The following INTS1 variants were observed in gnomAD, a reference collection of about 807,000 sequenced individuals.
The protein encoded by INTS1 is integrator complex subunit 1.
In INTS1, 137 loss-of-function variants were observed where a neutral mutation model predicts 241.6. The observed-to-expected ratio is 0.57, with a 90% confidence interval of 0.49 to 0.65. The LOEUF is 0.65. INTS1 is among the 30% of genes least tolerant of loss of function. The pLI, the probability that INTS1 is intolerant of heterozygous loss-of-function variation, is 0.00. For missense variants in INTS1, 3,073 were observed against 3,032.2 expected (o/e 1.01, Z -0.32); for synonymous variants, 1,692 against 1,337.8 (o/e 1.26, Z -5.78).
intron 14 of INTS1, chr7:1,494,483 C>T: frequency 2.4e-6 from 1 of 417,680 alleles, no homozygotes; most frequent in Non-Finnish European, 4.5e-6. Context: ...TGGACAGAAG[C>T]AGGGGCAGAC....
chr7:1,499,187 G>T, intron 7 of INTS1, 26 bp from the exon 8 acceptor site: 1 of 1,605,410 alleles, frequency 6.2e-7, no homozygotes, highest in Non-Finnish European at 8.5e-7. Context: ...GAGCGAGGAG[G>T]GAGGAAGGTG....
At chr7:1,495,353 G>A (rs1782793410) in intron 13 of INTS1, 80 bp downstream of exon 13, 4 of 1,512,238 alleles carry the variant, frequency 2.6e-6, no homozygotes, top group Non-Finnish European at 2.7e-6. Context: ...GTGGGGTTTG[G>A]GGCAGGGGTT....
At position 1,497,765 on chromosome 7, in the gene INTS1, C is replaced by T. The variant is rs1782932245; in HGVS notation, c.1426-451G>A. 6.6e-6 allele frequency among the ~76,000 whole-genome samples: 1 copy of T among 152,266 alleles called. No homozygotes were observed. Among genetic ancestry groups the T allele is most frequent in the Non-Finnish European group, 1.5e-5 (1 of 68,052 alleles). ...GAGCTGAGAGCGGCTGTGCCTCCCT[C>T]GTGTTTCACACTCCATAGAGCCCAC... On this transcript the variant is annotated intron_variant, in intron 10 of 47. Transcript: ENST00000404767. The surrounding 1 kb of genome is among the most constrained non-coding windows in gnomAD (Gnocchi z 5.3).
rs200366736 is a variant in INTS1 at position 1,486,663 on chromosome 7, C to T, written c.2938G>A (p.Gly980Ser). The stretch of plus-strand genomic sequence containing the variant: ...ACGCGGGAGGCCACCTGGGAGGAGC[C>T]GAGGCGCCGCAAGAAGTAGTCCAGC... ...EVLDYFLRRL[G>S]SSQVASRVLA... Residue 980 changes from glycine to serine, a missense_variant, in exon 22 of 48, where the codon GGC (glycine) becomes AGC (serine). Physicochemically the swap from Gly to Ser is moderately conservative, Grantham distance 56 (BLOSUM62 0). Coordinates refer to ENST00000404767, the MANE Select transcript of INTS1 (RefSeq NM_001080453.3). 12 of 1,611,974 alleles carry T rather than the reference C, an allele frequency of 7.4e-6. No individual in the cohort carries two copies. Among genetic ancestry groups the T allele is most frequent in the East Asian group, 2.2e-5 (1 of 44,862 alleles).
rs1375567829 is a variant in INTS1, at chr7:1,478,056, CCAGCCGGAGCCAGAGAGGAGAGTG to C, written c.4631-144_4631-121del. The C allele has an allele frequency of 2.1e-4, 180 of 859,874 alleles. 2 individuals are homozygous for C. The highest frequency in any genetic ancestry group is 9.2e-4 in the East Asian group (37 of 40,024). 53.3% of individuals were successfully genotyped at this position (859,874 alleles called of 1,614,324 possible). On this transcript the variant is annotated intron_variant, in intron 33 of 47. Coordinates refer to ENST00000404767, the MANE Select transcript of INTS1 (RefSeq NM_001080453.3). Reference sequence around the variant, plus strand: ...CATGTGTGGGACACAAGAGCAGAGTCCAGCCGGAGCCAGAGAGGAGAGTGCAGCCGGGGCCGGAGAGGAGAGTGC... The same window carrying C: ...CATGTGTGGGACACAAGAGCAGAGTCCAGCCGGGGCCGGAGAGGAGAGTGC...
chr7:1,475,151 C>T (rs1345184032), intron 39 of INTS1, among the ~76,000 whole-genome samples: 1 of 152,196 alleles, frequency 6.6e-6, no homozygotes, highest in Non-Finnish European at 1.5e-5. Context: ...TGTGAGGCCG[C>T]GGCAGAAGAT....
chr7:1,476,157 A>C lies in INTS1; in HGVS notation c.5378+72T>G, dbSNP rs1260418033. On this transcript the variant is annotated intron_variant, in intron 38 of 47. Transcript: ENST00000404767. ...ACGGGACCAGGCGTGATGGGAACCC[A>C]CCCAGGGCTGGGCCTCGACCCCCTC... 20 of 1,526,226 alleles carry C rather than the reference A, an allele frequency of 1.3e-5. No individual in the cohort carries two copies. In the Admixed American group the frequency reaches 3.8e-4, roughly 29 times the overall value. 94.5% of individuals were successfully genotyped at this position (1,526,226 alleles called of 1,614,324 possible).
rs765410932 is a variant in INTS1 at position 1,477,612 on chromosome 7, C to T, written c.4876G>A (p.Asp1626Asn). Residue 1626 changes from aspartate to asparagine, a missense_variant, in exon 35 of 48, where the codon GAC (aspartate) becomes AAC (asparagine). Asp to Asn is a conservative substitution (Grantham distance 23). Transcript: ENST00000404767. ...GGGCAGCTGCTGACCACCTCGGGGTCCAGCATTTCCAGCCAGTCCACTAGG... is the reference window on the plus strand; with the variant it reads ...GGGCAGCTGCTGACCACCTCGGGGTTCAGCATTTCCAGCCAGTCCACTAGG... ...GLLVDWLEMLDPEVVSSCPDL... is the reference protein window; with the variant it reads ...GLLVDWLEMLNPEVVSSCPDL... 2.0e-5 allele frequency: 31 copies of T among 1,577,126 alleles called. No homozygotes were observed. Among genetic ancestry groups the T allele is most frequent in the Non-Finnish European group, 8.6e-7 (1 of 1,163,312 alleles).
intron 16 of INTS1, among the ~76,000 whole-genome samples, chr7:1,492,087 A>G (rs530081794): frequency 7.9e-4 from 121 of 152,320 alleles, no homozygotes; most frequent in Admixed American, 2.0e-3. Context: ...AGGGTCTGAC[A>G]GAGCCTCAGT....
chr7:1,472,031 G>A (rs530559772), intron 44 of INTS1, among the ~76,000 whole-genome samples: 1 of 152,284 alleles, frequency 6.6e-6, no homozygotes, highest in South Asian at 2.1e-4. Flanking sequence ...CCACCTTAGG[G>A]GGCTCCCCTG....
chr7:1,487,617 C>T lies in INTS1; in HGVS notation c.2516+143G>A, dbSNP rs1161398312. 1.6e-5 allele frequency: 20 copies of T among 1,277,288 alleles called. 1 individual carries two copies. The Admixed American group carries it at 1.6e-4, about 10-fold the overall frequency. 79.1% of individuals were successfully genotyped at this position (1,277,288 alleles called of 1,614,324 possible). ...TGGCCCCACAGCAGTAAGCCAGGGA[C>T]GCGGGGACGGGGCTCCACAGGCCTT... is the stretch of plus-strand genomic sequence containing the variant. On this transcript the variant is annotated intron_variant, in intron 19 of 47. Transcript: ENST00000404767.
chr7:1,483,642 C>A (rs112945730), intron 26 of INTS1, 100 bp downstream of exon 26: 1 of 904,674 alleles, frequency 1.1e-6, no homozygotes, highest in South Asian at 1.4e-5. Context: ...GGGGGCTTCC[C>A]GCCCAGAAGC....
At chr7:1,487,639 C>A in intron 19 of INTS1, 121 bp downstream of exon 19, 1 of 1,341,264 alleles carries the variant, frequency 7.5e-7, no homozygotes, top group African/African-American at 1.4e-5. Flanking sequence ...GCTCCACAGG[C>A]CTTTCAGGTT....
At chr7:1,495,767 C>T (rs576205632) in intron 12 of INTS1, among the ~76,000 whole-genome samples, 173 of 152,284 alleles carry the variant, frequency 1.1e-3, no homozygotes, top group Non-Finnish European at 2.0e-3. Context: ...TTCCGAGTGA[C>T]TCGCTCCGGT....
At chr7:1,499,203 G>C in intron 7 of INTS1, 42 bp from the exon 8 acceptor site, 2 of 1,603,930 alleles carry the variant, frequency 1.2e-6, no homozygotes, top group Non-Finnish European at 1.7e-6. Context: ...AGGTGGCCCC[G>C]AGGCGCCCGC....
Position 1,481,334 on chromosome 7 carries a change from C to G in INTS1, c.3850+8G>C. 6.2e-7 allele frequency: 1 copy of G among 1,612,790 alleles called. No individual in the cohort carries two copies. Among genetic ancestry groups the G allele is most frequent in the Non-Finnish European group, 8.5e-7 (1 of 1,179,712 alleles). ...GTGAACCCACTCCGCAGGTCCCTGGCATCTTACTCTTGTCCATGATGTTCT... is the reference window on the plus strand; with the variant it reads ...GTGAACCCACTCCGCAGGTCCCTGGGATCTTACTCTTGTCCATGATGTTCT... On this transcript the variant is annotated splice_region_variant and intron_variant, in intron 28 of 47. Coordinates refer to ENST00000404767, the MANE Select transcript of INTS1 (RefSeq NM_001080453.3). This position sits in a 1 kb window ranked among gnomAD's most constrained non-coding sequence, Gnocchi z 6.8.
rs1293894148 is a variant in INTS1, at chr7:1,481,307, G to A, written c.3850+35C>T. On this transcript the variant is annotated intron_variant, in intron 28 of 47. Transcript: ENST00000404767. The surrounding 1 kb of genome is among the most constrained non-coding windows in gnomAD (Gnocchi z 6.8). Reference sequence around the variant, plus strand: ...GGCCGGGCTGGGGCTCGGTCAGCGTGTGTGAACCCACTCCGCAGGTCCCTG... The same window carrying A: ...GGCCGGGCTGGGGCTCGGTCAGCGTATGTGAACCCACTCCGCAGGTCCCTG... The A allele has an allele frequency of 6.2e-7, 1 of 1,611,374 alleles. No individual in the cohort carries two copies. The highest frequency in any genetic ancestry group is 1.7e-5 in the Admixed American group (1 of 59,932).
chr7:1,495,030 T>C (rs1157697172), intron 13 of INTS1, 137 bp from the exon 14 acceptor site: 7 of 972,496 alleles, frequency 7.2e-6, no homozygotes, highest in Admixed American at 2.1e-5. Context: ...GCTCAGCACC[T>C]CCTCACAGCA....
rs968092895 is a variant in INTS1, at chr7:1,494,908, A to G, written c.1833-15T>C. ...CCTTGTGCAGGCTGGGCAGGCAGAGAAGAGCCCTCAGTCATGATGTGGGTG... is the reference window on the plus strand; with the variant it reads ...CCTTGTGCAGGCTGGGCAGGCAGAGGAGAGCCCTCAGTCATGATGTGGGTG... On this transcript the variant is annotated splice_polypyrimidine_tract_variant and intron_variant, in intron 13 of 47. Coordinates refer to ENST00000404767, the MANE Select transcript of INTS1 (RefSeq NM_001080453.3). 6.4e-7 allele frequency: 1 copy of G among 1,553,654 alleles called. No homozygotes were observed. The highest frequency in any genetic ancestry group is 8.7e-7 in the Non-Finnish European group (1 of 1,149,416).
Sources: gnomAD v4.1 joint callset for allele counts (sites outside exome capture counted in the v4.1 genomes callset) on GRCh38, gnomAD v4.1.1 for gene constraint, Gnocchi (gnomAD v3.1) non-coding constraint, MANE v1.5 for transcripts, NCBI Gene and HGNC (gene_info 2026-07-23, HGNC 2026-07-21) for gene names.